Variants in DSC2 observed in about 807,000 individuals in gnomAD.
The protein encoded by DSC2 is desmocollin-2.
Under a neutral mutation model 87.6 loss-of-function variants are expected in DSC2, and 51 were observed. The observed-to-expected ratio is 0.58, with a 90% CI of 0.46 to 0.74. The LOEUF (loss-of-function observed/expected upper bound fraction) is 0.74, where lower values mean the gene tolerates loss of function less well. Among genes scored for constraint, DSC2 ranks in the 30% least tolerant of loss-of-function variants. DSC2 has a pLI of 0.00. For synonymous variants in DSC2, 383 were observed against 393.2 expected, an observed-to-expected ratio of 0.97 and a Z score of 0.31; for missense variants, 1,066 against 1,089.5, an observed-to-expected ratio of 0.98 and a Z score of 0.30.
At chr18:31,070,611 T>C (rs1986789814) in intron 14 of DSC2, 115 bp downstream of exon 14, 2 of 1,397,776 alleles carry the variant, frequency 1.4e-6, no homozygotes, top group Non-Finnish European at 2.0e-6. Flanking sequence ...CATGACATTC[T>C]ATGGTAAATT....
intron 9 of DSC2, among the ~76,000 whole-genome samples, chr18:31,081,007 A>C (rs1240792578): frequency 6.6e-6 from 1 of 152,170 alleles, no homozygotes; most frequent in Non-Finnish European, 1.5e-5. Context: ...GTATTGATGA[A>C]GATTTCAGAG....
At chr18:31,075,641 A>G (rs1986990502) in intron 11 of DSC2, among the ~76,000 whole-genome samples, 1 of 152,308 alleles carries the variant, frequency 6.6e-6, no homozygotes, top group African/African-American at 2.4e-5. Flanking sequence ...ACCTGAGGTC[A>G]GGAGTTCGAG....
At chr18:31,101,669 G>T (rs1261106887) in intron 1 of DSC2, 1 of 523,018 alleles carries the variant, frequency 1.9e-6, no homozygotes, top group Non-Finnish European at 3.3e-6. Flanking sequence ...CCTTGAGTGC[G>T]CTGATTACAT....
At chr18:31,076,038 A>G (rs1987006205) in intron 11 of DSC2, among the ~76,000 whole-genome samples, 1 of 152,180 alleles carries the variant, frequency 6.6e-6, no homozygotes. Context: ...TTCTGTCTCT[A>G]AATCATTCAT....
chr18:31,095,770 TA>T (rs770379730), intron 1 of DSC2, among the ~76,000 whole-genome samples: 1 of 152,202 alleles, frequency 6.6e-6, no homozygotes, highest in East Asian at 1.9e-4. Context: ...AAGACAAATG[TA>T]ATGATAGGGA....
chr18:31,059,365 G>A lies in DSC2; in HGVS notation c.*8650C>T, dbSNP rs578066715. The A allele has an allele frequency of 3.0e-4, 46 of 152,230 alleles. 1 individual carries two copies. Among genetic ancestry groups the A allele is most frequent in the Non-Finnish European group, 4.9e-4 (33 of 68,010 alleles). The allele number at this position is 152,230 out of a possible 1,614,324, so 9.4% of individuals were successfully genotyped here. ...ATTACTGACGACAAATCCTAAGTGC[G>A]TTAAAGTAAAATTTTAAGACCAAAA... On this transcript the variant is annotated 3_prime_UTR_variant, in exon 16 of 16. Coordinates refer to ENST00000280904, the MANE Select transcript of DSC2 (RefSeq NM_024422.6).
At chr18:31,089,362 T>G in intron 5 of DSC2, 77 bp downstream of exon 5, 1 of 1,553,652 alleles carries the variant, frequency 6.4e-7, no homozygotes, top group Non-Finnish European at 8.9e-7. Context: ...GCAGAAAAGG[T>G]TACGTGAATT....
At position 31,092,237 on chromosome 18, in the gene DSC2, A is replaced by G; in HGVS notation, c.218T>C (p.Ile73Thr). The G allele has an allele frequency of 6.2e-7, 1 of 1,613,818 alleles. No individual in the cohort carries two copies. Among genetic ancestry groups the G allele is most frequent in the Non-Finnish European group, 8.5e-7 (1 of 1,179,810 alleles). The change falls in exon 3 of 16, where the codon ATT (isoleucine) becomes ACT (threonine). Residue 73 changes from isoleucine (I) to threonine (T), a missense_variant. Ile to Thr is a moderately conservative substitution (Grantham distance 89). Coordinates refer to ENST00000280904, the MANE Select transcript of DSC2 (RefSeq NM_024422.6). ...LIHSSDPDFQ[I>T]LEDGSVYTTN... ...TGTATAGACTGAACCATCCTCCAAAATTTGGAAGTCAGGATCACTTGAATG... is the reference window on the plus strand; with the variant it reads ...TGTATAGACTGAACCATCCTCCAAAGTTTGGAAGTCAGGATCACTTGAATG...
At chr18:31,073,150 C>A (rs1275767580) in intron 12 of DSC2, among the ~76,000 whole-genome samples, 1 of 151,922 alleles carries the variant, frequency 6.6e-6, no homozygotes, top group Non-Finnish European at 1.5e-5. Context: ...ATTACTCAGA[C>A]AAGTACATCT....
intron 1 of DSC2, among the ~76,000 whole-genome samples, chr18:31,096,638 A>G (rs1987769040): frequency 6.6e-6 from 1 of 152,212 alleles, no homozygotes; most frequent in Non-Finnish European, 1.5e-5. Flanking sequence ...CAGGCACTTG[A>G]CCAAATTCAA....
intron 1 of DSC2, chr18:31,101,638 A>G: frequency 4.5e-6 from 2 of 445,296 alleles, no homozygotes; most frequent in South Asian, 3.7e-5. Context: ...GGCTGGGCGA[A>G]AGCGGCCCGC....
chr18:31,097,595 T>A (rs28636011), intron 1 of DSC2, among the ~76,000 whole-genome samples: 4 of 151,772 alleles, frequency 2.6e-5, no homozygotes. Flanking sequence ...AATTATTTTT[T>A]AAAAAGCAAT....
At position 31,079,919 on chromosome 18, in the gene DSC2, T is replaced by C. The variant is rs727502981; in HGVS notation, c.1591A>G (p.Arg531Gly). The change falls in exon 11 of 16, where the codon AGA becomes GGA. Residue 531 changes from arginine (R) to glycine (G), a missense_variant. Transcript: ENST00000280904. ...GTCTCTGCCTCTCTATCCAGGCTTC[T>C]GAAAACTTTGATTGATCCTGTATTT... is the stretch of plus-strand genomic sequence containing the variant. ...DENTGSIKVF[R>G]SLDREAETIK... 1.2e-6 allele frequency: 2 copies of C among 1,614,036 alleles called. No individual in the cohort carries two copies. Among genetic ancestry groups the C allele is most frequent in the Non-Finnish European group, 1.7e-6 (2 of 1,179,960 alleles).
chr18:31,073,807 A>G (rs754597181), intron 12 of DSC2, among the ~76,000 whole-genome samples: 1 of 152,184 alleles, frequency 6.6e-6, no homozygotes, highest in Non-Finnish European at 1.5e-5. Context: ...CATACTTATC[A>G]CTGTAGATCC....
intron 1 of DSC2, among the ~76,000 whole-genome samples, chr18:31,100,131 C>T (rs1185401739): frequency 6.6e-6 from 1 of 152,194 alleles, no homozygotes; most frequent in African/African-American, 2.4e-5. Context: ...GTTGGCAGGG[C>T]TTTGCACAGA....
chr18:31,080,185 A>G lies in DSC2; in HGVS notation c.1431T>C (p.Thr477=), dbSNP rs1411489227. The G allele has an allele frequency of 6.2e-7, 1 of 1,614,072 alleles. No individual in the cohort carries two copies. Among genetic ancestry groups the G allele is most frequent in the Non-Finnish European group, 8.5e-7 (1 of 1,179,998 alleles). Residue 477 remains threonine, a synonymous_variant, in exon 10 of 16, where the codon ACT becomes ACC. Coordinates refer to ENST00000280904, the MANE Select transcript of DSC2 (RefSeq NM_024422.6). ...EGPECNPPIQ[T]VRMKENAEVG... is the part of the protein sequence containing the mutation. ...CTTCTGCATTTTCTTTCATGCGAAC[A>G]GTCTGTATTGGAGGGTTACACTCAG...
chr18:31,080,070 T>C, intron 10 of DSC2, 26 bp downstream of exon 10: 1 of 1,613,458 alleles, frequency 6.2e-7, no homozygotes, highest in Non-Finnish European at 8.5e-7. Context: ...CTATATATTT[T>C]AAAACTAAAA....
intron 12 of DSC2, among the ~76,000 whole-genome samples, chr18:31,072,650 T>A (rs976332434): frequency 1.3e-5 from 2 of 152,096 alleles, no homozygotes; most frequent in African/African-American, 4.8e-5. Context: ...CTAAAAAAAA[T>A]TTAGAAGCCA....
At chr18:31,072,190 G>T (rs2144792619) in intron 12 of DSC2, among the ~76,000 whole-genome samples, 1 of 152,264 alleles carries the variant, frequency 6.6e-6, no homozygotes, top group Non-Finnish European at 1.5e-5. Flanking sequence ...TTAAACCAGT[G>T]AGTGTACATT....
Sources: gnomAD v4.1 joint callset for allele counts (sites outside exome capture counted in the v4.1 genomes callset) on GRCh38, gnomAD v4.1.1 for gene constraint, MANE v1.5 for transcripts, NCBI Gene and HGNC (gene_info 2026-07-23, HGNC 2026-07-21) for gene names.